Variants in RPL24 observed in about 807,000 individuals in gnomAD.
RPL24 encodes the protein large ribosomal subunit protein eL24.
A neutral mutation model predicts 26.4 loss-of-function variants in RPL24; 7 were observed. The ratio of observed to expected loss-of-function variants is 0.27; its 90% CI spans 0.15 to 0.50. RPL24 has a LOEUF of 0.50. Among genes scored for constraint, RPL24 ranks in the 20% least tolerant of loss-of-function variants. The pLI is 0.98. For synonymous variants in RPL24, 67 were observed against 65.2 expected (o/e 1.03, Z -0.13); for missense variants, 109 against 194.9 (o/e 0.56, Z 2.62).
intron 5 of RPL24, 167 bp downstream of exon 5, chr3:101,682,262 A>G (rs553766850): frequency 3.2e-6 from 2 of 628,572 alleles, no homozygotes; most frequent in Admixed American, 2.8e-5. Context: ...GCTACTCGGG[A>G]GGCTGAGGCA....
intron 3 of RPL24, among the ~76,000 whole-genome samples, chr3:101,683,209 C>T (rs1161832962): frequency 1.3e-5 from 2 of 151,872 alleles, no homozygotes; most frequent in Admixed American, 6.6e-5. Flanking sequence ...TAATAATTTA[C>T]TTATTGAAAA....
At chr3:101,683,215 G>GA (rs1271097119) in intron 3 of RPL24, among the ~76,000 whole-genome samples, 1 of 151,828 alleles carries the variant, frequency 6.6e-6, no homozygotes, top group East Asian at 1.9e-4. Context: ...TTTACTTATT[G>GA]AAAAAAATTA....
chr3:101,682,642 T>A (rs530141198), intron 4 of RPL24, 129 bp downstream of exon 4: 1 of 1,190,096 alleles, frequency 8.4e-7, no homozygotes, highest in African/African-American at 1.5e-5. Flanking sequence ...AAAGAATTTG[T>A]CAATAATTTT....
chr3:101,682,237 G>A (rs1466251001), intron 5 of RPL24, 192 bp downstream of exon 5: 6 of 574,248 alleles, frequency 1.0e-5, no homozygotes, highest in South Asian at 6.2e-5. Flanking sequence ...GTGATGGCGC[G>A]CACCTGTACT....
At chr3:101,682,207 A>G (rs1004069758) in intron 5 of RPL24, 36 of 503,632 alleles carry the variant, frequency 7.1e-5, no homozygotes, top group African/African-American at 6.6e-4. Flanking sequence ...ACAAACAAAC[A>G]AACAAAAAAT....
chr3:101,686,233 C>T (rs2108341805), intron 2 of RPL24: 2 of 584,746 alleles, frequency 3.4e-6, no homozygotes, highest in Non-Finnish European at 6.1e-6. Flanking sequence ...TACCTCCGTA[C>T]CTCAGTTATT....
At position 101,681,511 on chromosome 3, in the gene RPL24, A is replaced by C. The variant is rs1489517588; in HGVS notation, c.394-296T>G. 12 of 341,176 alleles carry C rather than the reference A, an allele frequency of 3.5e-5. No individual in the cohort carries two copies. The Admixed American group carries it at 4.9e-4, about 14-fold the overall frequency. 21.1% of individuals were successfully genotyped at this position (341,176 alleles called of 1,614,324 possible). Reference sequence around the variant, plus strand: ...ACAGAAAAGATCTCAGTAACAGTACAGTGTTTACTCAGCTTTTCTCAATGT... The same window carrying C: ...ACAGAAAAGATCTCAGTAACAGTACCGTGTTTACTCAGCTTTTCTCAATGT... On this transcript the variant is annotated intron_variant, in intron 5 of 5. Transcript: ENST00000394077.
intron 2 of RPL24, 145 bp downstream of exon 2, chr3:101,686,337 G>A (rs1239766723): frequency 1.1e-5 from 7 of 651,440 alleles, no homozygotes; most frequent in Non-Finnish European, 1.6e-5. Flanking sequence ...AGAGGTTTCT[G>A]GTCCTAACGA....
intron 4 of RPL24, 51 bp from the exon 5 acceptor site, chr3:101,682,543 C>T (rs371600526): frequency 1.4e-6 from 2 of 1,441,130 alleles, no homozygotes; most frequent in Non-Finnish European, 1.9e-6. Context: ...CTTAGTGGTA[C>T]AACTTATTAT....
In RPL24 at chr3:101,682,300, A is replaced by G. The variant is rs539988180; in HGVS notation, c.393+129T>C. ...AGTATCACTTGAACCCGGGAGGCAG[A>G]GGTTGCAGTGAGCTGAGATCAGATC... On this transcript the variant is annotated intron_variant, in intron 5 of 5. Transcript: ENST00000394077. 76 of 747,300 alleles carry G rather than the reference A, an allele frequency of 1.0e-4. No individual in the cohort carries two copies. The South Asian group carries it at 1.1e-3, about 11-fold the overall frequency. The allele number at this position is 747,300 out of a possible 1,614,324, so 46.3% of individuals were successfully genotyped here.
chr3:101,684,754 AGCAACAGAGGACCTGTCTCCCC>A (rs1429853567), intron 3 of RPL24, among the ~76,000 whole-genome samples: 4 of 118,024 alleles, frequency 3.4e-5, no homozygotes, highest in South Asian at 6.0e-4. Flanking sequence ...CTCCAGCCTG[AGCAACAGAGGACCTGTCTCCCC>A]AAAAAAAAAA....
In RPL24 at chr3:101,686,709, G is replaced by A. The variant is rs201774954; in HGVS notation, c.-33C>T. On this transcript the variant is annotated 5_prime_UTR_variant, in exon 1 of 6. Transcript: ENST00000394077. ...GCTCCACGGAAAGACAAAAGATGGC[G>A]AAAAGAAAGAGAGAATCATGGGAAG... The A allele has an allele frequency of 3.7e-6, 6 of 1,613,952 alleles. No homozygotes were observed. The highest frequency in any genetic ancestry group is 3.3e-5 in the South Asian group (3 of 91,080).
chr3:101,685,790 C>T (rs1378143984), intron 3 of RPL24, 28 bp downstream of exon 3: 4 of 1,286,278 alleles, frequency 3.1e-6, no homozygotes, highest in South Asian at 1.2e-5. Flanking sequence ...AAGAGATAGC[C>T]CCCAACATCA....
At chr3:101,684,557 T>C (rs901666343) in intron 3 of RPL24, among the ~76,000 whole-genome samples, 1 of 151,992 alleles carries the variant, frequency 6.6e-6, no homozygotes, top group Non-Finnish European at 1.5e-5. Context: ...GGCAGGAGGA[T>C]TACTTGAGCC....
At chr3:101,681,308 C>T in intron 5 of RPL24, 93 bp from the exon 6 acceptor site, 3 of 850,670 alleles carry the variant, frequency 3.5e-6, no homozygotes, top group Non-Finnish European at 6.0e-6. Context: ...TAGCTTAGAT[C>T]ACTTTCTTAG....
Position 101,682,734 on chromosome 3 carries a change from G to A in RPL24, c.329+37C>T, listed in dbSNP as rs142500229. 6.9e-5 allele frequency: 110 copies of A among 1,599,054 alleles called. 1 individual carries two copies. In the African/African-American group the frequency reaches 1.1e-3, roughly 16 times the overall value. Reference sequence around the variant, plus strand: ...GAAGACCCAAACCTAAAATCCATCCGAATAGGTAAAATGCTCATAATGAAA... The same window carrying A: ...GAAGACCCAAACCTAAAATCCATCCAAATAGGTAAAATGCTCATAATGAAA... On this transcript the variant is annotated intron_variant, in intron 4 of 5. Transcript: ENST00000394077.
chr3:101,686,020 G>C (rs757365896), intron 2 of RPL24, 92 bp from the exon 3 acceptor site: 85 of 821,644 alleles, frequency 1.0e-4, no homozygotes, highest in Non-Finnish European at 1.6e-4. Context: ...CAATATGCTA[G>C]TTCTGGCTTA....
chr3:101,686,582 C>G, intron 1 of RPL24, 25 bp from the exon 2 acceptor site: 2 of 1,614,186 alleles, frequency 1.2e-6, no homozygotes, highest in Non-Finnish European at 1.7e-6. Flanking sequence ...GAAAGTCCAT[C>G]AGGGAGGGTG....
chr3:101,686,717 A>T lies in RPL24; in HGVS notation c.-41T>A. ...GAAAGACAAAAGATGGCGAAAAGAA[A>T]GAGAGAATCATGGGAAGAGACCTTA... On this transcript the variant is annotated 5_prime_UTR_variant, in exon 1 of 6. Transcript: ENST00000394077. 1 of 1,613,242 alleles carries T rather than the reference A, an allele frequency of 6.2e-7. No individual in the cohort carries two copies. The highest frequency in any genetic ancestry group is 8.5e-7 in the Non-Finnish European group (1 of 1,179,808).
Sources: allele counts gnomAD v4.1 joint callset (sites outside exome capture counted in the v4.1 genomes callset), GRCh38; gene constraint gnomAD v4.1.1; transcripts MANE v1.5; gene names NCBI Gene and HGNC (gene_info 2026-07-23, HGNC 2026-07-21).